Variants in NRG3 observed in about 807,000 individuals in gnomAD.
NRG3 encodes the protein neuregulin 3.
Under a neutral mutation model 66.9 loss-of-function variants are expected in NRG3, and 31 were observed. The observed-to-expected ratio is 0.46, with a 90% CI of 0.35 to 0.63. The LOEUF (loss-of-function observed/expected upper bound fraction) is 0.63. Ranked by LOEUF, NRG3 falls within the 20% of genes least tolerant of loss-of-function variation. The pLI is 0.00. For synonymous variants in NRG3, 393 were observed against 359.4 expected (o/e 1.09, Z -1.06); for missense variants, 910 against 878.9 (o/e 1.04, Z -0.45).
intron 7 of NRG3, among the ~76,000 whole-genome samples, chr10:82,978,110 C>A (rs1045930454): frequency 6.6e-6 from 1 of 152,104 alleles, no homozygotes; most frequent in African/African-American, 2.4e-5. Flanking sequence ...GAGCAAAGTT[C>A]TCCTCACCAG....
At chr10:82,839,213 T>G (rs980941245) in intron 3 of NRG3, among the ~76,000 whole-genome samples, 1 of 152,202 alleles carries the variant, frequency 6.6e-6, no homozygotes, top group African/African-American at 2.4e-5. Flanking sequence ...ATTTGTCAAA[T>G]CTATGATATG....
At chr10:81,972,985 T>A (rs1456886473) in intron 1 of NRG3, among the ~76,000 whole-genome samples, 1 of 152,184 alleles carries the variant, frequency 6.6e-6, no homozygotes, top group South Asian at 2.1e-4. Flanking sequence ...ACTTGTGTCA[T>A]GGGGCTTCGT....
chr10:82,304,273 T>G (rs1048487653), intron 1 of NRG3, among the ~76,000 whole-genome samples: 11 of 152,226 alleles, frequency 7.2e-5, no homozygotes, highest in African/African-American at 2.2e-4. Flanking sequence ...TTCATATGTC[T>G]AAGAGTCATT....
intron 3 of NRG3, among the ~76,000 whole-genome samples, chr10:82,743,504 C>A (rs998357878): frequency 6.6e-6 from 1 of 152,062 alleles, no homozygotes; most frequent in African/African-American, 2.4e-5. Flanking sequence ...AAACAATCTT[C>A]GGTAGAGTGT....
At chr10:82,640,236 A>G (rs1341774613) in intron 2 of NRG3, among the ~76,000 whole-genome samples, 2 of 152,248 alleles carry the variant, frequency 1.3e-5, no homozygotes, top group Admixed American at 1.3e-4. Flanking sequence ...ACTATTCACA[A>G]TAGCAAAGAC....
intron 2 of NRG3, among the ~76,000 whole-genome samples, chr10:82,686,853 T>C (rs1238383673): frequency 2.0e-5 from 3 of 152,154 alleles, no homozygotes; most frequent in African/African-American, 7.2e-5. Context: ...CATATAGGTT[T>C]TGGGTCTATG....
At chr10:82,085,315 A>G (rs1004755324) in intron 1 of NRG3, among the ~76,000 whole-genome samples, 2 of 152,190 alleles carry the variant, frequency 1.3e-5, no homozygotes, top group Non-Finnish European at 2.9e-5. Flanking sequence ...CCTGAATGCC[A>G]TGGGGAGATT....
intron 2 of NRG3, among the ~76,000 whole-genome samples, chr10:82,427,160 T>C (rs2089503404): frequency 6.6e-6 from 1 of 152,230 alleles, no homozygotes. Context: ...TTTTTCATTT[T>C]CAATCTTGTC....
At chr10:82,886,226 A>G (rs1211722246) in intron 4 of NRG3, among the ~76,000 whole-genome samples, 2 of 152,190 alleles carry the variant, frequency 1.3e-5, no homozygotes, top group African/African-American at 4.8e-5. Flanking sequence ...ACAGTGTTTC[A>G]TGGAAGAGTG....
intron 2 of NRG3, among the ~76,000 whole-genome samples, chr10:82,650,258 G>A (rs2051305626): frequency 6.6e-6 from 1 of 152,076 alleles, no homozygotes; most frequent in South Asian, 2.1e-4. Flanking sequence ...TTTTGTAATT[G>A]TTACAGCAAC....
intron 2 of NRG3, among the ~76,000 whole-genome samples, chr10:82,509,163 C>A (rs1047417354): frequency 1.3e-5 from 2 of 152,170 alleles, no homozygotes; most frequent in South Asian, 4.2e-4. Context: ...TGGTTTTCAC[C>A]GTCTAACTAG....
chr10:82,847,105 G>C (rs994670158), intron 3 of NRG3, among the ~76,000 whole-genome samples: 2 of 152,178 alleles, frequency 1.3e-5, no homozygotes, highest in Non-Finnish European at 2.9e-5. Flanking sequence ...TCATGCAGCT[G>C]CCTTCGAATT....
chr10:82,692,832 T>C (rs1473906303), intron 2 of NRG3, among the ~76,000 whole-genome samples: 1 of 149,886 alleles, frequency 6.7e-6, no homozygotes, highest in African/African-American at 2.4e-5. Context: ...CCTGCCTCTA[T>C]CAATATCTTG....
intron 6 of NRG3, among the ~76,000 whole-genome samples, chr10:82,960,532 T>C (rs1850538552): frequency 6.6e-6 from 1 of 151,840 alleles, no homozygotes; most frequent in Non-Finnish European, 1.5e-5. Context: ...CATGATCTTC[T>C]GTGTAGAAAA....
intron 2 of NRG3, among the ~76,000 whole-genome samples, chr10:82,605,798 G>A (rs1414310172): frequency 4.0e-5 from 6 of 151,770 alleles, no homozygotes; most frequent in Non-Finnish European, 8.8e-5. Context: ...ATAGATATAG[G>A]CCCATACAGA....
intron 1 of NRG3, among the ~76,000 whole-genome samples, chr10:82,057,421 G>A (rs12356212): frequency 0.25 from 37,254 of 151,858 alleles, 4,686 homozygotes; most frequent in Middle Eastern, 0.33. Context: ...TCTGTGGTAT[G>A]TTGGTTCTGC....
intron 4 of NRG3, among the ~76,000 whole-genome samples, chr10:82,905,575 G>A (rs539675735): frequency 3.9e-5 from 6 of 152,034 alleles, no homozygotes; most frequent in South Asian, 2.1e-4. Context: ...GAAGTTCTTC[G>A]ATAGTGCAAA....
intron 1 of NRG3, among the ~76,000 whole-genome samples, chr10:81,959,133 G>A (rs1446118659): frequency 1.3e-5 from 2 of 152,026 alleles, no homozygotes; most frequent in East Asian, 1.9e-4. Context: ...ATAATCATTG[G>A]AATATGAATA....
intron 1 of NRG3, among the ~76,000 whole-genome samples, chr10:81,966,777 A>G (rs574077097): frequency 1.3e-5 from 2 of 152,210 alleles, no homozygotes; most frequent in African/African-American, 4.8e-5. Context: ...TCTTTGACCC[A>G]GTTTTGGCCA....
Sources: allele counts gnomAD v4.1 joint callset (sites outside exome capture counted in the v4.1 genomes callset), GRCh38; gene constraint gnomAD v4.1.1; transcripts MANE v1.5; gene names NCBI Gene and HGNC (gene_info 2026-07-23, HGNC 2026-07-21).